ADAMTS17: variants seen among roughly 807,000 people sequenced by gnomAD.
ADAMTS17 encodes A disintegrin and metalloproteinase with thrombospondin motifs 17.
In ADAMTS17, 113 loss-of-function variants were observed where a neutral mutation model predicts 141.5. The ratio of observed to expected loss-of-function variants is 0.80; its 90% CI spans 0.69 to 0.93. The LOEUF (loss-of-function observed/expected upper bound fraction) is 0.93, where lower values mean the gene tolerates loss of function less well. Ranked by LOEUF, ADAMTS17 falls within the 40% of genes least tolerant of loss-of-function variation. The probability of loss-of-function intolerance (pLI) is 0.00; values close to 1 mark genes in which losing one functional copy is unlikely to be tolerated. For missense variants in ADAMTS17, 1,659 were observed against 1,517.9 expected, an observed-to-expected ratio of 1.09 and a Z score of -1.54; for synonymous variants, 768 against 630.6, an observed-to-expected ratio of 1.22 and a Z score of -3.27.
chr15:100,239,778 C>T (rs1187984204), intron 7 of ADAMTS17, among the ~76,000 whole-genome samples: 1 of 152,036 alleles, frequency 6.6e-6, no homozygotes, highest in African/African-American at 2.4e-5. Flanking sequence ...ACATGCCACT[C>T]CTATGCAGTT....
intron 9 of ADAMTS17, among the ~76,000 whole-genome samples, chr15:100,154,196 A>C (rs1191466657): frequency 2.0e-5 from 3 of 152,094 alleles, no homozygotes; most frequent in Non-Finnish European, 2.9e-5. Context: ...ACAAACAAAC[A>C]AACCCAACCC....
chr15:100,164,159 A>C (rs1264705341), intron 8 of ADAMTS17, among the ~76,000 whole-genome samples: 1 of 152,178 alleles, frequency 6.6e-6, no homozygotes, highest in Non-Finnish European at 1.5e-5. Context: ...ACGTGCATAC[A>C]CAGTGGCCAG....
intron 15 of ADAMTS17, among the ~76,000 whole-genome samples, chr15:100,089,455 C>G (rs999482033): frequency 1.3e-5 from 2 of 150,356 alleles, no homozygotes; most frequent in Non-Finnish European, 1.5e-5. Context: ...CTAGAAATAA[C>G]ATTTGACCCA....
chr15:100,005,953 G>A (rs918026123), intron 18 of ADAMTS17, among the ~76,000 whole-genome samples: 17 of 148,100 alleles, frequency 1.1e-4, no homozygotes, highest in Admixed American at 4.0e-4. Context: ...CATCACTCCA[G>A]CCCCAGCCCC....
intron 8 of ADAMTS17, among the ~76,000 whole-genome samples, chr15:100,198,766 A>C (rs1044299211): frequency 6.6e-6 from 1 of 152,176 alleles, no homozygotes; most frequent in African/African-American, 2.4e-5. Flanking sequence ...CATCTGAACA[A>C]CCAGGAGGTT....
chr15:100,012,934 A>G (rs1413243984), intron 18 of ADAMTS17, among the ~76,000 whole-genome samples: 1 of 152,152 alleles, frequency 6.6e-6, no homozygotes, highest in African/African-American at 2.4e-5. Flanking sequence ...TGATAGCAGT[A>G]TTTTGATGGG....
chr15:100,007,472 G>A (rs894041716), intron 18 of ADAMTS17, among the ~76,000 whole-genome samples: 3 of 151,920 alleles, frequency 2.0e-5, no homozygotes, highest in Non-Finnish European at 2.9e-5. Context: ...CCAGGCTGGA[G>A]TGCAATGGCA....
chr15:100,312,860 AGGGTGAC>A (rs1435114320), intron 3 of ADAMTS17, among the ~76,000 whole-genome samples: 1 of 152,320 alleles, frequency 6.6e-6, no homozygotes, highest in African/African-American at 2.4e-5. Flanking sequence ...TGTGCAATCT[AGGGTGAC>A]CTCCATTAAG....
At chr15:100,159,318 T>G (rs1172177979) in intron 8 of ADAMTS17, among the ~76,000 whole-genome samples, 1 of 152,230 alleles carries the variant, frequency 6.6e-6, no homozygotes, top group African/African-American at 2.4e-5. Flanking sequence ...TGCAACAACA[T>G]GGGTGAACCT....
intron 15 of ADAMTS17, among the ~76,000 whole-genome samples, chr15:100,086,898 T>C (rs984037283): frequency 1.3e-5 from 2 of 152,080 alleles, no homozygotes; most frequent in Non-Finnish European, 2.9e-5. Context: ...AGGAAAGATC[T>C]AAAATTGACA....
At chr15:100,085,272 G>A (rs2140964053) in intron 15 of ADAMTS17, among the ~76,000 whole-genome samples, 1 of 152,012 alleles carries the variant, frequency 6.6e-6, no homozygotes, top group South Asian at 2.1e-4. Flanking sequence ...ATGAAATGAA[G>A]TGAGAAGAGA....
At chr15:100,234,129 C>T (rs777780789) in intron 7 of ADAMTS17, among the ~76,000 whole-genome samples, 2 of 152,028 alleles carry the variant, frequency 1.3e-5, no homozygotes, top group Non-Finnish European at 2.9e-5. Flanking sequence ...GAGGAATGGC[C>T]GGTGTGGTTC....
At chr15:100,241,047 A>T (rs1278427140) in intron 7 of ADAMTS17, among the ~76,000 whole-genome samples, 2 of 152,112 alleles carry the variant, frequency 1.3e-5, no homozygotes, top group African/African-American at 4.8e-5. Flanking sequence ...GCTGGTCTCG[A>T]ACTCCTGACC....
chr15:100,231,946 T>C (rs973812969), intron 7 of ADAMTS17, among the ~76,000 whole-genome samples: 15 of 152,170 alleles, frequency 9.9e-5, no homozygotes, highest in Admixed American at 9.2e-4. Flanking sequence ...CTTGGCATCG[T>C]CCTTAGTCTC....
chr15:100,105,057 G>A (rs960448620), intron 14 of ADAMTS17, among the ~76,000 whole-genome samples: 1 of 152,200 alleles, frequency 6.6e-6, no homozygotes, highest in Admixed American at 6.5e-5. Flanking sequence ...ATAGCAGATG[G>A]CTTTTTAACT....
chr15:100,295,829 C>T (rs1283260845), intron 3 of ADAMTS17, among the ~76,000 whole-genome samples: 1 of 152,144 alleles, frequency 6.6e-6, no homozygotes, highest in Non-Finnish European at 1.5e-5. Context: ...AAACTAGTGC[C>T]TATATGTCAT....
At chr15:100,263,026 T>C (rs1043305260) in intron 4 of ADAMTS17, among the ~76,000 whole-genome samples, 3 of 152,148 alleles carry the variant, frequency 2.0e-5, no homozygotes, top group Admixed American at 6.5e-5. Flanking sequence ...ACAGTATGCT[T>C]ATGTATATAG....
intron 15 of ADAMTS17, chr15:100,063,851 C>A (rs1446939350): frequency 1.1e-6 from 1 of 877,890 alleles, no homozygotes; most frequent in African/African-American, 1.7e-5. Flanking sequence ...GCTACCAAGC[C>A]CCCCACAGTG....
intron 18 of ADAMTS17, among the ~76,000 whole-genome samples, chr15:100,033,763 T>C (rs947544143): frequency 1.3e-5 from 2 of 152,188 alleles, no homozygotes; most frequent in African/African-American, 4.8e-5. Flanking sequence ...CAGACCAACT[T>C]TTCGGTGTCT....
Sources: gnomAD v4.1 joint callset for allele counts (sites outside exome capture counted in the v4.1 genomes callset) on GRCh38, gnomAD v4.1.1 for gene constraint, MANE v1.5 for transcripts, NCBI Gene and HGNC (gene_info 2026-07-23, HGNC 2026-07-21) for gene names.